C4orf36: variants seen among roughly 807,000 people sequenced by gnomAD.
The protein encoded by C4orf36 is uncharacterized protein C4orf36.
Under a neutral mutation model 12.2 loss-of-function variants are expected in C4orf36, and 11 were observed. The ratio of observed to expected loss-of-function variants is 0.90; its 90% CI spans 0.57 to 1.49. The LOEUF (loss-of-function observed/expected upper bound fraction) is 1.49. C4orf36 is among the 40% of genes most tolerant of loss of function. The pLI is 0.00. For missense variants in C4orf36, 137 were observed against 133.9 expected, an observed-to-expected ratio of 1.02 and a Z score of -0.11; for synonymous variants, 54 against 51.3, an observed-to-expected ratio of 1.05 and a Z score of -0.22.
At chr4:86,885,393 C>G (rs1244120855) in intron 4 of C4orf36, among the ~76,000 whole-genome samples, 1 of 152,162 alleles carries the variant, frequency 6.6e-6, no homozygotes, top group Non-Finnish European at 1.5e-5. Context: ...GTTTGTAGTT[C>G]TCCTTGAAGA....
the C4orf36 span, among the ~76,000 whole-genome samples, chr4:86,926,761 A>C: frequency 6.6e-6 from 1 of 152,134 alleles, no homozygotes; most frequent in East Asian, 1.9e-4. Flanking sequence ...ATACCGGGTC[A>C]TTCTCAGGGT....
chr4:86,913,568 C>T, the C4orf36 span: 1 of 1,158,626 alleles, frequency 8.6e-7, no homozygotes, highest in Non-Finnish European at 1.3e-6. Flanking sequence ...GCAGTCATGG[C>T]CAGCAGCCAC....
intron 4 of C4orf36, among the ~76,000 whole-genome samples, chr4:86,884,756 T>A (rs1289918277): frequency 6.6e-6 from 1 of 152,224 alleles, no homozygotes; most frequent in East Asian, 1.9e-4. Flanking sequence ...TTTTGGTGTT[T>A]TAGACATGAA....
chr4:86,892,621 G>C (rs1460310766), upstream of C4orf36, among the ~76,000 whole-genome samples: 1 of 152,246 alleles, frequency 6.6e-6, no homozygotes, highest in African/African-American at 2.4e-5. Context: ...TGGGAAGGAC[G>C]CTTTCCAATG....
chr4:86,928,622 C>G, the C4orf36 span, among the ~76,000 whole-genome samples: 1 of 152,350 alleles, frequency 6.6e-6, no homozygotes, highest in Admixed American at 6.5e-5. Context: ...TGTGTTGAAG[C>G]AGGCTGAGCT....
At chr4:86,925,498 T>G in the C4orf36 span, 3 of 152,218 alleles carry the variant, frequency 2.0e-5, no homozygotes, top group Admixed American at 1.3e-4. Context: ...ATTATAGGCA[T>G]GAGCCACCAC....
chr4:86,893,090 G>C (rs909166392), upstream of C4orf36, among the ~76,000 whole-genome samples: 4 of 152,240 alleles, frequency 2.6e-5, no homozygotes, highest in African/African-American at 9.6e-5. Flanking sequence ...GAGGATGAAA[G>C]ATCCTGCCCT....
At chr4:86,932,765 TG>T in the C4orf36 span, among the ~76,000 whole-genome samples, 1 of 10,386 alleles carries the variant, frequency 9.6e-5, no homozygotes, top group Non-Finnish European at 1.9e-4. Context: ...GAGATTTATT[TG>T]GGGGGGTGGG....
At position 86,892,267 on chromosome 4, in the gene C4orf36, C is replaced by T; in HGVS notation, c.-158G>A. ...GTGGCGGGTCCCCGCGAGCCGGCGC[C>T]GGCGGCCTGGTTACCCGGGCTCCAG... On this transcript the variant is annotated 5_prime_UTR_variant, in exon 1 of 5. Coordinates refer to ENST00000295898, the MANE Select transcript of C4orf36 (RefSeq NM_144645.4). The T allele has an allele frequency of 1.0e-6, 1 of 985,864 alleles. No homozygotes were observed. Among genetic ancestry groups the T allele is most frequent in the Non-Finnish European group, 1.2e-6 (1 of 830,290 alleles). The allele number at this position is 985,864 out of a possible 1,614,324, so 61.1% of individuals were successfully genotyped here.
At chr4:86,917,266 T>A in the C4orf36 span, among the ~76,000 whole-genome samples, 3 of 143,456 alleles carry the variant, frequency 2.1e-5, no homozygotes, top group East Asian at 2.0e-4. Flanking sequence ...GGCAGCAGAA[T>A]CAGACCCTGT....
In C4orf36 at chr4:86,888,215, G is replaced by C. The variant is rs779308489; in HGVS notation, c.126C>G (p.Ile42Met). The C allele has an allele frequency of 7.4e-5, 119 of 1,614,018 alleles. No individual in the cohort carries two copies. Among genetic ancestry groups the C allele is most frequent in the Admixed American group, 4.0e-4 (24 of 60,008 alleles). ...AKTWSTNLAN[I>M]KLPFLEEISF... Reference sequence around the variant, plus strand: ...AAATTTCTTCCAAGAAAGGCAACTTGATATTGGCTAGGTTTGTGGACCAGG... The same window carrying C: ...AAATTTCTTCCAAGAAAGGCAACTTCATATTGGCTAGGTTTGTGGACCAGG... The change falls in exon 3 of 5, where the codon ATC (isoleucine) becomes ATG (methionine). Residue 42 changes from isoleucine to methionine, a missense_variant. Transcript: ENST00000295898.
chr4:86,922,381 C>T, the C4orf36 span, among the ~76,000 whole-genome samples: 9 of 152,206 alleles, frequency 5.9e-5, no homozygotes, highest in East Asian at 1.5e-3. Context: ...ACAGTATAGC[C>T]GTGAATGGAA....
chr4:86,893,818 C>T (rs964481879), upstream of C4orf36, among the ~76,000 whole-genome samples: 1 of 151,968 alleles, frequency 6.6e-6, no homozygotes, highest in Admixed American at 6.6e-5. Context: ...ATGTTGAAAC[C>T]CTCAATGGAC....
chr4:86,891,025 G>C (rs1034585412), intron 2 of C4orf36, among the ~76,000 whole-genome samples: 3 of 152,172 alleles, frequency 2.0e-5, no homozygotes, highest in African/African-American at 7.2e-5. Context: ...GCGACCCTTT[G>C]TACCAGCTAA....
At chr4:86,920,654 C>A in the C4orf36 span, among the ~76,000 whole-genome samples, 1 of 152,156 alleles carries the variant, frequency 6.6e-6, no homozygotes, top group African/African-American at 2.4e-5. Flanking sequence ...CATCCCAGGG[C>A]TAGAGAGCAT....
intron 4 of C4orf36, chr4:86,886,779 A>C (rs190768710): frequency 8.5e-5 from 13 of 152,310 alleles, no homozygotes; most frequent in Admixed American, 4.6e-4. Flanking sequence ...ACCCAAAGGA[A>C]TATAAATCAT....
At chr4:86,928,720 T>C in the C4orf36 span, among the ~76,000 whole-genome samples, 3 of 152,206 alleles carry the variant, frequency 2.0e-5, no homozygotes, top group Admixed American at 6.5e-5. Flanking sequence ...TTTTTTACCA[T>C]TCGTCCCCAA....
chr4:86,901,601 T>C, the C4orf36 span, among the ~76,000 whole-genome samples: 138,965 of 151,320 alleles, frequency 0.92, 64,658 homozygotes, highest in Non-Finnish European at 0.99. Flanking sequence ...TTAGTAGAGA[T>C]GGGGTTTCAC....
At chr4:86,917,554 GAA>G in the C4orf36 span, among the ~76,000 whole-genome samples, 1 of 109,550 alleles carries the variant, frequency 9.1e-6, no homozygotes, top group African/African-American at 2.7e-5. Context: ...AGTAAGGAAG[GAA>G]GAGAGAGTGA....
Sources: allele counts gnomAD v4.1 joint callset (sites outside exome capture counted in the v4.1 genomes callset), GRCh38; gene constraint gnomAD v4.1.1; transcripts MANE v1.5; gene names NCBI Gene and HGNC (gene_info 2026-07-23, HGNC 2026-07-21).